Variants in AKT3 observed in about 807,000 individuals in gnomAD.
AKT3 encodes AKT serine/threonine kinase 3.
A neutral mutation model predicts 65.3 loss-of-function variants in AKT3; 15 were observed. The ratio of observed to expected loss-of-function variants is 0.23; its 90% CI spans 0.15 to 0.35. The LOEUF (loss-of-function observed/expected upper bound fraction) is 0.35, where lower values mean the gene tolerates loss of function less well. Ranked by LOEUF, AKT3 falls within the 10% of genes least tolerant of loss-of-function variation. The pLI is 1.00. For missense variants in AKT3, 243 were observed against 576.5 expected (o/e 0.42, Z 5.92); for synonymous variants, 206 against 183.8 (o/e 1.12, Z -0.98).
chr1:243,696,618 T>A (rs1275087834), intron 2 of AKT3, among the ~76,000 whole-genome samples: 1 of 151,904 alleles, frequency 6.6e-6, no homozygotes, highest in Non-Finnish European at 1.5e-5. Flanking sequence ...TACAAAAAAA[T>A]TGCAAACAGT....
At chr1:243,818,756 T>C (rs1461935938) in intron 2 of AKT3, among the ~76,000 whole-genome samples, 1 of 147,754 alleles carries the variant, frequency 6.8e-6, no homozygotes, top group African/African-American at 2.5e-5. Flanking sequence ...GAAATCGCTG[T>C]GGCCAGAGGC....
chr1:243,610,587 T>A (rs1422706015), intron 8 of AKT3, among the ~76,000 whole-genome samples: 2 of 152,230 alleles, frequency 1.3e-5, no homozygotes, highest in Non-Finnish European at 2.9e-5. Context: ...AACCATTTAT[T>A]TGTCTGTCTA....
intron 5 of AKT3, among the ~76,000 whole-genome samples, chr1:243,639,913 C>T (rs1680246425): frequency 6.6e-6 from 1 of 152,084 alleles, no homozygotes; most frequent in African/African-American, 2.4e-5. Context: ...CCAGGCTGAA[C>T]CCCAATTTTT....
chr1:243,821,689 G>A (rs1057215781), intron 2 of AKT3, among the ~76,000 whole-genome samples: 4 of 152,002 alleles, frequency 2.6e-5, no homozygotes, highest in African/African-American at 9.7e-5. Context: ...GACAAAGAAG[G>A]GCATTACATA....
At chr1:243,679,532 A>G (rs1422780149) in intron 3 of AKT3, among the ~76,000 whole-genome samples, 1 of 152,198 alleles carries the variant, frequency 6.6e-6, no homozygotes, top group East Asian at 1.9e-4. Context: ...TAAGTGACAG[A>G]TAAGTTGTCA....
chr1:243,637,231 T>C (rs1680038929), intron 6 of AKT3, among the ~76,000 whole-genome samples: 1 of 152,104 alleles, frequency 6.6e-6, no homozygotes, highest in African/African-American at 2.4e-5. Context: ...CAATGTTATA[T>C]AAGCTTTAGA....
At chr1:243,536,686 C>T (rs1671957532) in intron 12 of AKT3, among the ~76,000 whole-genome samples, 1 of 152,062 alleles carries the variant, frequency 6.6e-6, no homozygotes, top group Non-Finnish European at 1.5e-5. Context: ...GCTTTTAAAG[C>T]TTTAACTGTA....
At chr1:243,533,885 G>T (rs746449768) in intron 12 of AKT3, among the ~76,000 whole-genome samples, 1 of 152,196 alleles carries the variant, frequency 6.6e-6, no homozygotes, top group Non-Finnish European at 1.5e-5. Context: ...AGCTACTCGG[G>T]AGGCTGAGGC....
At chr1:243,511,788 C>T (rs1282388433) in intron 13 of AKT3, among the ~76,000 whole-genome samples, 1 of 152,166 alleles carries the variant, frequency 6.6e-6, no homozygotes, top group Non-Finnish European at 1.5e-5. Context: ...GGTACATGAA[C>T]ACACAGTTTT....
intron 3 of AKT3, among the ~76,000 whole-genome samples, chr1:243,680,065 A>G (rs1281667945): frequency 6.6e-6 from 1 of 152,194 alleles, no homozygotes; most frequent in Non-Finnish European, 1.5e-5. Flanking sequence ...GGAAGCAATA[A>G]CTGTTGCTGG....
intron 2 of AKT3, among the ~76,000 whole-genome samples, chr1:243,815,000 A>T (rs747736931): frequency 5.3e-5 from 8 of 152,170 alleles, no homozygotes; most frequent in Non-Finnish European, 1.0e-4. Flanking sequence ...AAACACCTGG[A>T]TATTTCTAAG....
At chr1:243,664,470 C>T (rs1437439532) in intron 4 of AKT3, among the ~76,000 whole-genome samples, 2 of 151,908 alleles carry the variant, frequency 1.3e-5, no homozygotes, top group African/African-American at 2.4e-5. Context: ...TCCCAGAGTG[C>T]TGGGATTACA....
rs1273518732 is a variant in AKT3 at position 243,850,060 on chromosome 1, G to A, written c.-133C>T. On this transcript the variant is annotated 5_prime_UTR_variant, in exon 1 of 14. Transcript: ENST00000673466. ...GTTACCTGCAACGGCGGCGGCGGCG[G>A]TGGCGGCCCCGCAGCTGCTCGGGCG... The A allele has an allele frequency of 3.1e-6, 3 of 983,168 alleles. No homozygotes were observed. The highest frequency in any genetic ancestry group is 3.6e-6 in the Non-Finnish European group (3 of 828,340). 60.9% of individuals were successfully genotyped at this position (983,168 alleles called of 1,614,324 possible). A position where few individuals can be genotyped will look rare whatever the true frequency, so the allele number is the denominator to read the frequency against.
chr1:243,739,400 T>C (rs1309525317), intron 2 of AKT3: 1 of 152,180 alleles, frequency 6.6e-6, no homozygotes, highest in Non-Finnish European at 1.5e-5. Flanking sequence ...CAATAACTTA[T>C]GTGAAATGTA....
intron 2 of AKT3, among the ~76,000 whole-genome samples, chr1:243,715,324 A>G (rs1236198874): frequency 6.6e-6 from 1 of 152,100 alleles, no homozygotes; most frequent in Non-Finnish European, 1.5e-5. Flanking sequence ...CCTTTATGCT[A>G]CTGGTATTGG....
intron 3 of AKT3, among the ~76,000 whole-genome samples, chr1:243,692,272 G>A (rs1016421520): frequency 6.6e-6 from 1 of 152,062 alleles, no homozygotes; most frequent in Non-Finnish European, 1.5e-5. Flanking sequence ...CCATATGAGA[G>A]ATGCCCATAC....
At chr1:243,633,024 C>A (rs1679719589) in intron 6 of AKT3, among the ~76,000 whole-genome samples, 1 of 152,160 alleles carries the variant, frequency 6.6e-6, no homozygotes, top group Non-Finnish European at 1.5e-5. Flanking sequence ...TGCTTATCAT[C>A]AAATACAAGG....
intron 2 of AKT3, among the ~76,000 whole-genome samples, chr1:243,780,411 G>T (rs992459599): frequency 1.3e-5 from 2 of 151,790 alleles, no homozygotes; most frequent in Admixed American, 6.6e-5. Context: ...TTAATTTCTT[G>T]ATTTTGGTAA....
chr1:243,489,011 C>A (rs757455834), intron 13 of AKT3: 1 of 1,613,352 alleles, frequency 6.2e-7, no homozygotes. Context: ...GATTTTTCTC[C>A]AGGCTAAGGC....
Sources: allele counts gnomAD v4.1 joint callset (sites outside exome capture counted in the v4.1 genomes callset), GRCh38; gene constraint gnomAD v4.1.1; transcripts MANE v1.5; gene names NCBI Gene and HGNC (gene_info 2026-07-23, HGNC 2026-07-21).